The following PAPSS1 variants were observed in gnomAD, a reference collection of about 807,000 sequenced individuals.
The protein encoded by PAPSS1 is 3'-phosphoadenosine 5'-phosphosulfate synthase 1.
Under a neutral mutation model 72.0 loss-of-function variants are expected in PAPSS1, and 50 were observed. The observed-to-expected ratio is 0.69, with a 90% CI of 0.55 to 0.88. PAPSS1 has a LOEUF of 0.88. PAPSS1 is among the 40% of genes least tolerant of loss of function. The probability of loss-of-function intolerance (pLI) is 0.00; values close to 1 mark genes in which losing one functional copy is unlikely to be tolerated. For synonymous variants in PAPSS1, 261 were observed against 263.6 expected (o/e 0.99, Z 0.09); for missense variants, 657 against 782.2 (o/e 0.84, Z 1.91).
At chr4:107,615,610 G>A (rs576162087) in intron 11 of PAPSS1, among the ~76,000 whole-genome samples, 8 of 152,238 alleles carry the variant, frequency 5.3e-5, no homozygotes, top group Admixed American at 2.6e-4. Context: ...CCTAAAGGCC[G>A]AAAGATCCTA....
rs1725761600 is a variant in PAPSS1 at position 107,614,229 on chromosome 4, G to A, written c.*20C>T. 2 of 1,609,048 alleles carry A rather than the reference G, an allele frequency of 1.2e-6. No individual in the cohort carries two copies. The highest frequency in any genetic ancestry group is 1.3e-5 in the African/African-American group (1 of 74,910). ...TTGTTACTAGTAATGTGTCAAAGGT[G>A]GAGTGACTGGGTTAACAGCCTAAGC... On this transcript the variant is annotated 3_prime_UTR_variant, in exon 12 of 12. Coordinates refer to ENST00000265174, the MANE Select transcript of PAPSS1 (RefSeq NM_005443.5).
chr4:107,678,385 G>C lies in PAPSS1; in HGVS notation c.669+3630C>G, dbSNP rs114336039. On this transcript the variant is annotated intron_variant, in intron 5 of 11. Transcript: ENST00000265174. ...AAAACAAAACACAGAGATTCCAAAA[G>C]AGAGCATCACCTAACAAGTGAAAAG... 1.8e-3 allele frequency among the ~76,000 whole-genome samples: 270 copies of C among 152,142 alleles called. 1 individual carries two copies. Among genetic ancestry groups the C allele is most frequent in the African/African-American group, 6.1e-3 (253 of 41,506 alleles).
chr4:107,667,612 T>C (rs1727354815), intron 5 of PAPSS1, among the ~76,000 whole-genome samples: 1 of 152,166 alleles, frequency 6.6e-6, no homozygotes, highest in African/African-American at 2.4e-5. Flanking sequence ...AACAAAAAAC[T>C]GGTTATTGTG....
At chr4:107,707,212 T>C (rs1296261025) in intron 1 of PAPSS1, among the ~76,000 whole-genome samples, 1 of 152,180 alleles carries the variant, frequency 6.6e-6, no homozygotes, top group African/African-American at 2.4e-5. Flanking sequence ...TGGGCCAACC[T>C]GGCTCTCAGC....
At chr4:107,623,373 G>A (rs951297294) in intron 11 of PAPSS1, among the ~76,000 whole-genome samples, 1 of 152,078 alleles carries the variant, frequency 6.6e-6, no homozygotes, top group Non-Finnish European at 1.5e-5. Flanking sequence ...ATATTTATAG[G>A]AGTAAGTCGA....
chr4:107,710,942 A>T (rs1723475958), intron 1 of PAPSS1, among the ~76,000 whole-genome samples: 1 of 152,228 alleles, frequency 6.6e-6, no homozygotes, highest in Admixed American at 6.5e-5. Flanking sequence ...TGTGATAACA[A>T]GTGGAGTTAT....
chr4:107,695,108 T>A (rs1723033735), intron 2 of PAPSS1, among the ~76,000 whole-genome samples: 1 of 152,242 alleles, frequency 6.6e-6, no homozygotes, highest in South Asian at 2.1e-4. Context: ...ACGATACTGA[T>A]TCTTCCTATC....
At chr4:107,695,348 G>A (rs1433010638) in intron 2 of PAPSS1, among the ~76,000 whole-genome samples, 1 of 152,194 alleles carries the variant, frequency 6.6e-6, no homozygotes, top group Non-Finnish European at 1.5e-5. Context: ...TTTGTATCCT[G>A]AGACTTTGCT....
At chr4:107,688,588 G>A (rs1722845201) in intron 3 of PAPSS1, among the ~76,000 whole-genome samples, 1 of 152,088 alleles carries the variant, frequency 6.6e-6, no homozygotes, top group African/African-American at 2.4e-5. Context: ...TGCCTATAAT[G>A]TTATTCCCTG....
chr4:107,688,860 G>T (rs1221113382), intron 3 of PAPSS1, among the ~76,000 whole-genome samples: 1 of 152,106 alleles, frequency 6.6e-6, no homozygotes. Context: ...AACTAAGCAT[G>T]TCCAAAACTA....
At chr4:107,709,628 G>T (rs145255377) in intron 1 of PAPSS1, among the ~76,000 whole-genome samples, 1 of 152,178 alleles carries the variant, frequency 6.6e-6, no homozygotes, top group East Asian at 1.9e-4. Context: ...CCTAAGATTG[G>T]CCTTTTGAGA....
Position 107,621,608 on chromosome 4 carries a change from C to CTTTTTTTTTTTTTTTTTTTTTTTT in PAPSS1, c.1737-7245_1737-7222dup, listed in dbSNP as rs10670438. Among the ~76,000 whole-genome samples, 13 of 48,154 alleles carry CTTTTTTTTTTTTTTTTTTTTTTTT rather than the reference C, an allele frequency of 2.7e-4. 2 individuals are homozygous for CTTTTTTTTTTTTTTTTTTTTTTTT. Among genetic ancestry groups the CTTTTTTTTTTTTTTTTTTTTTTTT allele is most frequent in the South Asian group, 9.5e-4 (1 of 1,050 alleles). The allele number at this position is 48,154 out of a possible 152,430, so 31.6% of individuals were successfully genotyped here. ...CTTTCTAGGAAGACAGGTTTTTTAT[C>CTTTTTTTTTTTTTTTTTTTTTTTT]TTTTTTTTTTTTTTTTTTTTTTTTT... On this transcript the variant is annotated intron_variant, in intron 11 of 11. Transcript: ENST00000265174.
chr4:107,699,127 A>G (rs1723145278), intron 2 of PAPSS1, among the ~76,000 whole-genome samples: 1 of 152,186 alleles, frequency 6.6e-6, no homozygotes, highest in South Asian at 2.1e-4. Flanking sequence ...CACCACGTTC[A>G]AGAAAAAGAG....
Position 107,684,718 on chromosome 4 carries a change from G to A in PAPSS1, c.550+2321C>T, listed in dbSNP as rs573815657. Among the ~76,000 whole-genome samples, 11 of 152,106 alleles carry A rather than the reference G, an allele frequency of 7.2e-5. No individual in the cohort carries two copies. The South Asian group carries it at 1.0e-3, about 14-fold the overall frequency. On this transcript the variant is annotated intron_variant, in intron 4 of 11. Transcript: ENST00000265174. ...CTCACCTATAGCCTAGAAGCTCCCC[G>A]CACCACCTGGCTTTGAGTTGTCCCA...
intron 5 of PAPSS1, among the ~76,000 whole-genome samples, chr4:107,673,674 T>C (rs975770979): frequency 2.0e-5 from 3 of 151,684 alleles, no homozygotes; most frequent in African/African-American, 7.3e-5. Flanking sequence ...AGGCCAACAT[T>C]CAAATTCAGG....
chr4:107,687,208 C>T (rs1261481046), intron 3 of PAPSS1, 31 bp from the exon 4 acceptor site: 5 of 1,508,232 alleles, frequency 3.3e-6, no homozygotes, highest in Non-Finnish European at 4.4e-6. Flanking sequence ...AAAGTGATCA[C>T]ACAAATCACA....
Position 107,618,662 on chromosome 4 carries a change from A to C in PAPSS1, c.1737-4275T>G, listed in dbSNP as rs374834869. Among the ~76,000 whole-genome samples, 95 of 152,158 alleles carry C rather than the reference A, an allele frequency of 6.2e-4. 3 individuals carry two copies. In the South Asian group the frequency reaches 0.019, roughly 31 times the overall value. ...TGGTGGTTAATGCAAAATGGTCTTA[A>C]TTTTCTCAATAAAGATGTCAGGTTG... On this transcript the variant is annotated intron_variant, in intron 11 of 11. Coordinates refer to ENST00000265174, the MANE Select transcript of PAPSS1 (RefSeq NM_005443.5).
intron 5 of PAPSS1, among the ~76,000 whole-genome samples, chr4:107,661,235 C>G (rs1012436881): frequency 2.0e-5 from 3 of 152,082 alleles, no homozygotes; most frequent in Admixed American, 6.6e-5. Flanking sequence ...CAATAGGAAC[C>G]CTCATTCATA....
chr4:107,677,246 G>A (rs1311656665), intron 5 of PAPSS1, among the ~76,000 whole-genome samples: 2 of 152,066 alleles, frequency 1.3e-5, no homozygotes, highest in Non-Finnish European at 2.9e-5. Flanking sequence ...GAGTGAACAG[G>A]CAACCCACAA....
Sources: gnomAD v4.1 joint callset for allele counts (sites outside exome capture counted in the v4.1 genomes callset) on GRCh38, gnomAD v4.1.1 for gene constraint, MANE v1.5 for transcripts, NCBI Gene and HGNC (gene_info 2026-07-23, HGNC 2026-07-21) for gene names.